The following DTX1 variants were observed in gnomAD, a reference collection of about 807,000 sequenced individuals.
DTX1 encodes the protein E3 ubiquitin-protein ligase DTX1.
A neutral mutation model predicts 57.8 loss-of-function variants in DTX1; 26 were observed. That is an observed-to-expected ratio of 0.45 (90% CI 0.33 to 0.62). The LOEUF (loss-of-function observed/expected upper bound fraction) is 0.62. Among genes scored for constraint, DTX1 ranks in the 20% least tolerant of loss-of-function variants. The pLI, the probability that DTX1 is intolerant of heterozygous loss-of-function variation, is 0.02. For missense variants in DTX1, 704 were observed against 895.3 expected (o/e 0.79, Z 2.73); for synonymous variants, 398 against 394.1 (o/e 1.01, Z -0.12).
chr12:113,078,990 T>C (rs934493023), intron 3 of DTX1, among the ~76,000 whole-genome samples: 14 of 152,150 alleles, frequency 9.2e-5, no homozygotes, highest in African/African-American at 3.4e-4. Context: ...AACACTTTTA[T>C]GAACTGGCTT....
intron 2 of DTX1, among the ~76,000 whole-genome samples, chr12:113,068,745 C>T (rs1455892063): frequency 1.3e-5 from 2 of 152,148 alleles, no homozygotes; most frequent in African/African-American, 4.8e-5. Flanking sequence ...TGTGAAAAAT[C>T]CCCCCGGCGC....
At chr12:113,089,523 G>A (rs1461115641) in intron 3 of DTX1, among the ~76,000 whole-genome samples, 4 of 152,086 alleles carry the variant, frequency 2.6e-5, no homozygotes, top group East Asian at 3.9e-4. Flanking sequence ...CGGGAGGCCC[G>A]CAGGCAGCGG....
intron 2 of DTX1, among the ~76,000 whole-genome samples, chr12:113,063,390 C>T (rs2044679557): frequency 1.3e-5 from 2 of 152,210 alleles, no homozygotes; most frequent in African/African-American, 4.8e-5. Flanking sequence ...CCCTGAATTT[C>T]CCACCCAGTT....
At chr12:113,072,247 GT>G (rs1197518182) in intron 2 of DTX1, among the ~76,000 whole-genome samples, 3 of 152,244 alleles carry the variant, frequency 2.0e-5, no homozygotes, top group Non-Finnish European at 4.4e-5. Context: ...TCCAAACATA[GT>G]TGCATATCTG....
At chr12:113,088,748 T>C (rs1363042715) in intron 3 of DTX1, among the ~76,000 whole-genome samples, 2 of 152,186 alleles carry the variant, frequency 1.3e-5, no homozygotes, top group Non-Finnish European at 2.9e-5. Context: ...CCCAGCACTT[T>C]GGGAGGTCGA....
chr12:113,069,779 ATG>A (rs1399668136), intron 2 of DTX1, among the ~76,000 whole-genome samples: 1 of 152,090 alleles, frequency 6.6e-6, no homozygotes, highest in Non-Finnish European at 1.5e-5. Context: ...CTGGGAGATG[ATG>A]TGTGTGAGCC....
At chr12:113,070,099 C>T (rs576969903) in intron 2 of DTX1, among the ~76,000 whole-genome samples, 3 of 152,340 alleles carry the variant, frequency 2.0e-5, no homozygotes, top group African/African-American at 7.2e-5. Context: ...GTGCTCCTAA[C>T]TGCTCCGTGC....
chr12:113,082,215 T>C (rs1002277203), intron 3 of DTX1, among the ~76,000 whole-genome samples: 4 of 151,774 alleles, frequency 2.6e-5, no homozygotes, highest in Non-Finnish European at 5.9e-5. Context: ...CCCTCATCCC[T>C]CCCCACCCAC....
intron 3 of DTX1, among the ~76,000 whole-genome samples, chr12:113,086,991 G>A (rs1220916715): frequency 1.4e-5 from 2 of 143,274 alleles, no homozygotes; most frequent in Non-Finnish European, 3.0e-5. Flanking sequence ...CTGTCTGCAC[G>A]TGGCTGCCCC....
rs1950279762 is a variant in DTX1, at chr12:113,095,215, T to G, written c.1548+12T>G. The G allele has an allele frequency of 6.2e-7, 1 of 1,604,426 alleles. No individual in the cohort carries two copies. The highest frequency in any genetic ancestry group is 8.5e-7 in the Non-Finnish European group (1 of 1,172,672). ...CCACAGGCATCCAGGTGGGCTCCCC[T>G]TCCGCCTCTCTGGCCCCCAGCCCCC... On this transcript the variant is annotated intron_variant, in intron 8 of 9. Transcript: ENST00000548759.
chr12:113,080,485 C>T (rs1208526187), intron 3 of DTX1, among the ~76,000 whole-genome samples: 1 of 152,046 alleles, frequency 6.6e-6, no homozygotes, highest in Non-Finnish European at 1.5e-5. Context: ...ATTTGAGAAC[C>T]TTCTCTCTGG....
chr12:113,070,833 C>T (rs1242104665), intron 2 of DTX1, among the ~76,000 whole-genome samples: 1 of 152,216 alleles, frequency 6.6e-6, no homozygotes, highest in Non-Finnish European at 1.5e-5. Flanking sequence ...CAGCCCTCTG[C>T]TCTCACCCTC....
chr12:113,079,284 C>T (rs575779660), intron 3 of DTX1, among the ~76,000 whole-genome samples: 1 of 152,284 alleles, frequency 6.6e-6, no homozygotes, highest in Admixed American at 6.5e-5. Flanking sequence ...ACCAACTGTG[C>T]TTCAATCACT....
intron 2 of DTX1, among the ~76,000 whole-genome samples, chr12:113,064,430 G>C (rs1418952620): frequency 6.6e-6 from 1 of 152,204 alleles, no homozygotes; most frequent in African/African-American, 2.4e-5. Flanking sequence ...ACCAGGTCCT[G>C]GGCTGGGTCT....
At chr12:113,059,499 G>A (rs2044652236) in intron 2 of DTX1, among the ~76,000 whole-genome samples, 1 of 152,036 alleles carries the variant, frequency 6.6e-6, no homozygotes, top group African/African-American at 2.4e-5. Context: ...AATCGATGAG[G>A]TCCCACTCTC....
intron 8 of DTX1, 40 bp downstream of exon 8, chr12:113,095,243 ACC>A: frequency 6.2e-7 from 1 of 1,600,548 alleles, no homozygotes; most frequent in African/African-American, 1.4e-5. Context: ...CAGCCCCCAC[ACC>A]CCTCCAACTC....
intron 8 of DTX1, 55 bp downstream of exon 8, chr12:113,095,258 C>T (rs561206612): frequency 1.2e-6 from 2 of 1,609,974 alleles, no homozygotes; most frequent in African/African-American, 1.3e-5. Flanking sequence ...TCCAACTCCT[C>T]CAGATGCTTC....
At chr12:113,074,076 C>CA (rs1047621497) in intron 2 of DTX1, among the ~76,000 whole-genome samples, 11 of 151,758 alleles carry the variant, frequency 7.2e-5, no homozygotes, top group East Asian at 5.8e-4. Flanking sequence ...ACGAAAAATA[C>CA]AAAAAAAATC....
At chr12:113,063,064 C>T (rs970271088) in intron 2 of DTX1, among the ~76,000 whole-genome samples, 3 of 152,202 alleles carry the variant, frequency 2.0e-5, no homozygotes, top group East Asian at 1.9e-4. Context: ...GTCGCTTGCT[C>T]GCTTCGCAGT....
Sources: gnomAD v4.1 joint callset for allele counts (sites outside exome capture counted in the v4.1 genomes callset) on GRCh38, gnomAD v4.1.1 for gene constraint, MANE v1.5 for transcripts, NCBI Gene and HGNC (gene_info 2026-07-23, HGNC 2026-07-21) for gene names.